ARHGAP15: variants seen among roughly 807,000 people sequenced by gnomAD.
ARHGAP15 encodes rho GTPase-activating protein 15.
In ARHGAP15, 51 loss-of-function variants were observed where a neutral mutation model predicts 63.7. That is an observed-to-expected ratio of 0.80 (90% CI 0.64 to 1.01). ARHGAP15 has a LOEUF of 1.01. Among genes scored for constraint, ARHGAP15 ranks in the 50% least tolerant of loss-of-function variants. ARHGAP15 has a pLI of 0.00. For synonymous variants in ARHGAP15, 191 were observed against 193.8 expected (o/e 0.99, Z 0.12); for missense variants, 560 against 564.6 (o/e 0.99, Z 0.08).
intron 6 of ARHGAP15, among the ~76,000 whole-genome samples, chr2:143,381,632 G>A (rs539740047): frequency 3.9e-5 from 6 of 152,212 alleles, no homozygotes; most frequent in Non-Finnish European, 7.4e-5. Context: ...TCTTGACTTT[G>A]GGGGAGCAGT....
intron 6 of ARHGAP15, among the ~76,000 whole-genome samples, chr2:143,400,797 G>A (rs943373776): frequency 2.0e-5 from 3 of 151,978 alleles, no homozygotes; most frequent in African/African-American, 4.8e-5. Context: ...GTATTGTTTA[G>A]TCTCAATTCT....
chr2:143,499,984 T>A (rs571984234), intron 9 of ARHGAP15, among the ~76,000 whole-genome samples: 46 of 152,058 alleles, frequency 3.0e-4, no homozygotes, highest in Non-Finnish European at 3.4e-4. Context: ...ACAGGCTTTA[T>A]GAAAACTTAC....
chr2:143,584,584 C>A (rs2105153126), intron 11 of ARHGAP15, among the ~76,000 whole-genome samples: 1 of 152,168 alleles, frequency 6.6e-6, no homozygotes, highest in East Asian at 1.9e-4. Flanking sequence ...CAAGATCATG[C>A]CACTGCACTC....
intron 11 of ARHGAP15, among the ~76,000 whole-genome samples, chr2:143,607,176 G>C (rs2105207721): frequency 6.6e-6 from 1 of 152,304 alleles, no homozygotes; most frequent in East Asian, 1.9e-4. Context: ...TAACTTGGGA[G>C]AAGAATCAGC....
chr2:143,724,052 T>C (rs966314699), intron 13 of ARHGAP15, among the ~76,000 whole-genome samples: 2 of 25,256 alleles, frequency 7.9e-5, no homozygotes, highest in Admixed American at 1.2e-3. Context: ...TCCACCTTCA[T>C]GTGTGTGTGT....
chr2:143,169,500 C>T (rs1690684253), intron 2 of ARHGAP15, among the ~76,000 whole-genome samples: 1 of 152,034 alleles, frequency 6.6e-6, no homozygotes, highest in African/African-American at 2.4e-5. Context: ...CGAGTTGCCT[C>T]CTAGGTAGGA....
At chr2:143,536,341 G>A (rs915885273) in intron 10 of ARHGAP15, among the ~76,000 whole-genome samples, 9 of 151,956 alleles carry the variant, frequency 5.9e-5, no homozygotes, top group African/African-American at 9.7e-5. Flanking sequence ...TTAGCATAAC[G>A]TCCTCCATGT....
At chr2:143,533,705 T>G (rs116042971) in intron 10 of ARHGAP15, among the ~76,000 whole-genome samples, 2,394 of 152,248 alleles carry the variant, frequency 0.016, 58 homozygotes, top group African/African-American at 0.055. Context: ...CTTGGTACCC[T>G]CCTCCTCTCA....
intron 6 of ARHGAP15, among the ~76,000 whole-genome samples, chr2:143,339,276 T>G (rs1684946853): frequency 6.6e-6 from 1 of 152,132 alleles, no homozygotes; most frequent in Non-Finnish European, 1.5e-5. Flanking sequence ...TTGGAGCCTT[T>G]GGGCAAGTCT....
At chr2:143,148,020 C>G (rs1352032688) in intron 1 of ARHGAP15, among the ~76,000 whole-genome samples, 2 of 152,008 alleles carry the variant, frequency 1.3e-5, no homozygotes, top group East Asian at 3.9e-4. Context: ...ATCTATAAGA[C>G]AAAATCCCAA....
At chr2:143,170,207 C>T (rs1409277612) in intron 2 of ARHGAP15, among the ~76,000 whole-genome samples, 1 of 152,048 alleles carries the variant, frequency 6.6e-6, no homozygotes, top group East Asian at 1.9e-4. Flanking sequence ...TAGGGAAAAT[C>T]ACCTCTGCGT....
intron 11 of ARHGAP15, chr2:143,608,768 G>A (rs1420896452): frequency 6.6e-6 from 1 of 152,102 alleles, no homozygotes; most frequent in African/African-American, 2.4e-5. Context: ...TAGCATTATG[G>A]TTTGTTCACT....
intron 11 of ARHGAP15, among the ~76,000 whole-genome samples, chr2:143,598,881 C>A (rs1156677649): frequency 6.6e-6 from 1 of 151,728 alleles, no homozygotes; most frequent in Admixed American, 6.6e-5. Flanking sequence ...CGCACCACTG[C>A]ACTCCATCCT....
At chr2:143,761,210 T>A (rs1354727902) in intron 13 of ARHGAP15, among the ~76,000 whole-genome samples, 1 of 152,194 alleles carries the variant, frequency 6.6e-6, no homozygotes, top group African/African-American at 2.4e-5. Context: ...GAAAATTTAT[T>A]CTATTTTTAA....
intron 6 of ARHGAP15, among the ~76,000 whole-genome samples, chr2:143,393,568 C>T (rs533002125): frequency 1.3e-5 from 2 of 151,728 alleles, no homozygotes; most frequent in Admixed American, 6.6e-5. Context: ...CCCATCTCTA[C>T]TAAAAACACA....
At chr2:143,522,055 C>A (rs539075423) in intron 10 of ARHGAP15, 52 of 152,220 alleles carry the variant, frequency 3.4e-4, no homozygotes, top group African/African-American at 1.3e-3. Context: ...AAGATGCATT[C>A]TTTATTCATC....
chr2:143,471,086 GTA>G (rs1426030239), intron 8 of ARHGAP15, among the ~76,000 whole-genome samples: 31 of 148,476 alleles, frequency 2.1e-4, no homozygotes, highest in African/African-American at 7.4e-4. Flanking sequence ...ATGTATAAAT[GTA>G]TATGATACAC....
intron 6 of ARHGAP15, among the ~76,000 whole-genome samples, chr2:143,253,802 G>A (rs1387789640): frequency 6.6e-6 from 1 of 151,610 alleles, no homozygotes; most frequent in Non-Finnish European, 1.5e-5. Flanking sequence ...CTACCTGTGT[G>A]TATACACACC....
intron 6 of ARHGAP15, among the ~76,000 whole-genome samples, chr2:143,423,321 A>G (rs903905327): frequency 6.7e-6 from 1 of 150,164 alleles, no homozygotes; most frequent in African/African-American, 2.5e-5. Flanking sequence ...TTTCCTCTTT[A>G]CTAGTATACC....
Sources: allele counts gnomAD v4.1 joint callset (sites outside exome capture counted in the v4.1 genomes callset), GRCh38; gene constraint gnomAD v4.1.1; transcripts MANE v1.5; gene names NCBI Gene and HGNC (gene_info 2026-07-23, HGNC 2026-07-21).